Variants in PANK3 observed in about 807,000 individuals in gnomAD.
PANK3 encodes pantothenate kinase 3.
In PANK3, 20 loss-of-function variants were observed where a neutral mutation model predicts 39.4. That is an observed-to-expected ratio of 0.51 (90% CI 0.36 to 0.74). The LOEUF (loss-of-function observed/expected upper bound fraction) is 0.74. Ranked by LOEUF, PANK3 falls within the 30% of genes least tolerant of loss-of-function variation. PANK3 has a pLI of 0.00. For synonymous variants in PANK3, 140 were observed against 157.3 expected (o/e 0.89, Z 0.82); for missense variants, 265 against 437.0 (o/e 0.61, Z 3.51).
intron 4 of PANK3, among the ~76,000 whole-genome samples, chr5:168,563,671 T>C (rs960689535): frequency 2.4e-5 from 3 of 122,824 alleles, no homozygotes; most frequent in Non-Finnish European, 5.0e-5. Flanking sequence ...GGAAAGACAC[T>C]CAAAAATTAA....
At position 168,556,564 on chromosome 5, in the gene PANK3, T is replaced by C. The variant is rs1178987515; in HGVS notation, c.*1007A>G. 2 of 152,416 alleles carry C rather than the reference T, an allele frequency of 1.3e-5. No homozygotes were observed. Among genetic ancestry groups the C allele is most frequent in the African/African-American group, 4.8e-5 (2 of 41,360 alleles). 9.4% of individuals were successfully genotyped at this position (152,416 alleles called of 1,614,324 possible). A position where few individuals can be genotyped will look rare whatever the true frequency, so the allele number is the denominator to read the frequency against. ...GATAAAAATCCACATGGCTATGGAG[T>C]GGGTTTTGTTGGAAAAAGTGACCGT... On this transcript the variant is annotated 3_prime_UTR_variant, in exon 7 of 7. Transcript: ENST00000239231.
intron 5 of PANK3, chr5:168,560,855 G>A (rs1561839730): frequency 2.5e-6 from 1 of 393,520 alleles, no homozygotes; most frequent in East Asian, 6.3e-5. Flanking sequence ...CACTTTTCTT[G>A]TAACAATAAA....
intron 5 of PANK3, 114 bp from the exon 6 acceptor site, chr5:168,559,271 T>A: frequency 1.5e-6 from 1 of 650,370 alleles, no homozygotes; most frequent in Non-Finnish European, 2.4e-6. Context: ...ACAACTACGC[T>A]TTATTAGTAT....
Position 168,568,706 on chromosome 5 carries a change from C to G in PANK3, c.321G>C (p.Leu107Phe). Residue 107 changes from leucine to phenylalanine, a missense_variant, in exon 2 of 7, where the codon TTG (leucine) becomes TTC (phenylalanine). By Grantham distance (22) the Leu-to-Phe change is conservative (BLOSUM62 0). This residue lies in a region of PANK3 where 154 missense variants were observed against 256.8 expected (regional missense o/e 0.60). Coordinates refer to ENST00000239231, the MANE Select transcript of PANK3 (RefSeq NM_024594.4). ...CTCCTGTAGCACATAGCACCGTCTG[C>G]AATGTTGAGAAGTTTTTATCTCTTC... ...QMGRDKNFST[L>F]QTVLCATGGG... 1.2e-6 allele frequency: 2 copies of G among 1,614,096 alleles called. No individual in the cohort carries two copies. The highest frequency in any genetic ancestry group is 1.7e-6 in the Non-Finnish European group (2 of 1,180,004).
Position 168,548,859 on chromosome 5 carries a change from A to G in PANK3, c.*8712T>C, listed in dbSNP as rs1759232653. On this transcript the variant is annotated 3_prime_UTR_variant, in exon 7 of 7. Transcript: ENST00000239231. ...GAATAAAATTTATGGCACATCATAC[A>G]TTTTTACATCACAGATTCAGTGTTA... 6.6e-6 allele frequency: 1 copy of G among 152,230 alleles called. No individual in the cohort carries two copies. The allele number at this position is 152,230 out of a possible 1,614,324, so 9.4% of individuals were successfully genotyped here.
chr5:168,578,581 A>C (rs936537781), intron 1 of PANK3: 4 of 152,242 alleles, frequency 2.6e-5, no homozygotes, highest in Non-Finnish European at 5.9e-5. Context: ...ACCTTTCTAA[A>C]AGCATAGTCA....
At chr5:168,561,580 G>GAT in intron 4 of PANK3, 64 bp from the exon 5 acceptor site, 5 of 1,356,078 alleles carry the variant, frequency 3.7e-6, no homozygotes, top group Non-Finnish European at 4.9e-6. Flanking sequence ...CGTATTAACA[G>GAT]ATATATCTAC....
chr5:168,562,591 T>C (rs1759464324), intron 4 of PANK3, among the ~76,000 whole-genome samples: 1 of 152,148 alleles, frequency 6.6e-6, no homozygotes, highest in Non-Finnish European at 1.5e-5. Flanking sequence ...ACAAGACTGA[T>C]AAACAACAGA....
At chr5:168,577,122 G>A (rs1490652737) in intron 1 of PANK3, among the ~76,000 whole-genome samples, 5 of 151,802 alleles carry the variant, frequency 3.3e-5, no homozygotes, top group African/African-American at 9.7e-5. Context: ...CTCGTGATCT[G>A]CCCCACTCAG....
chr5:168,561,254 T>C, intron 5 of PANK3, 139 bp downstream of exon 5: 1 of 623,190 alleles, frequency 1.6e-6, no homozygotes, highest in East Asian at 2.7e-5. Flanking sequence ...CATATATACC[T>C]AATGAGTCTT....
chr5:168,566,158 C>T lies in PANK3; in HGVS notation c.490G>A (p.Ala164Thr). Residue 164 changes from alanine (A) to threonine (T), a missense_variant, in exon 3 of 7, where the codon GCT becomes ACT. Physicochemically the swap from Ala to Thr is moderately conservative, Grantham distance 58. Transcript: ENST00000239231. ...FNGQAECYYFANASEPERCQK... is the reference protein window; with the variant it reads ...FNGQAECYYFTNASEPERCQK... ...CATCGCTCAGGTTCTGAGGCATTAG[C>T]AAAATAATAGCACTCGGCTTGTCCA... 6.2e-7 allele frequency: 1 copy of T among 1,613,918 alleles called. No homozygotes were observed. The highest frequency in any genetic ancestry group is 8.5e-7 in the Non-Finnish European group (1 of 1,179,970).
intron 5 of PANK3, among the ~76,000 whole-genome samples, chr5:168,560,226 A>G (rs1369519744): frequency 6.6e-6 from 1 of 152,180 alleles, no homozygotes; most frequent in Admixed American, 6.5e-5. Context: ...CTAAGTTATT[A>G]AAAAACTGAT....
rs759426819 is a variant in PANK3, at chr5:168,564,069, A to G, written c.636-4T>C. 13 of 1,579,006 alleles carry G rather than the reference A, an allele frequency of 8.2e-6. No homozygotes were observed. The highest frequency in any genetic ancestry group is 7.7e-6 in the Non-Finnish European group (9 of 1,168,850). ...CAGAAAGGTACCCCCTCCAAGGCTA[A>G]AGAAAATAAAGAAACTTGCTAAGTT... On this transcript the variant is annotated splice_region_variant and splice_polypyrimidine_tract_variant and intron_variant, in intron 3 of 6. Transcript: ENST00000239231.
rs563768938 is a variant in PANK3 at position 168,571,990 on chromosome 5, T to C, written c.29-2992A>G. 3.9e-5 allele frequency among the ~76,000 whole-genome samples: 6 copies of C among 152,274 alleles called. No individual in the cohort carries two copies. The East Asian group carries it at 1.2e-3, about 29-fold the overall frequency. On this transcript the variant is annotated intron_variant, in intron 1 of 6. Transcript: ENST00000239231. Reference sequence around the variant, plus strand: ...ATAATTTGGGAAGCCAGGGGCAGCTTTGAGCTCAAACACAATACTTCATCA... The same window carrying C: ...ATAATTTGGGAAGCCAGGGGCAGCTCTGAGCTCAAACACAATACTTCATCA...
In PANK3 at chr5:168,561,376, GTTTT is replaced by G. The variant is rs770793762; in HGVS notation, c.936+13_936+16del. The G allele has an allele frequency of 1.4e-5, 22 of 1,561,278 alleles. No individual in the cohort carries two copies. The highest frequency in any genetic ancestry group is 1.2e-4 in the South Asian group (10 of 83,488). The stretch of plus-strand genomic sequence containing the variant: ...ACATTTTTGATAATTCAAGTTTTGT[GTTTT>G]TTGTTTTTTTACCTCATTAACAGCA... On this transcript the variant is annotated intron_variant, in intron 5 of 6. Coordinates refer to ENST00000239231, the MANE Select transcript of PANK3 (RefSeq NM_024594.4).
In PANK3 at chr5:168,554,700, T is replaced by C. The variant is rs1759323049; in HGVS notation, c.*2871A>G. On this transcript the variant is annotated 3_prime_UTR_variant, in exon 7 of 7. Transcript: ENST00000239231. ...ATATTTCCATTGTAGTGACTAAATA[T>C]TGGAGCCAAAATTCCATTAGTTCAA... is the stretch of plus-strand genomic sequence containing the variant. 2 of 152,368 alleles carry C rather than the reference T, an allele frequency of 1.3e-5. No homozygotes were observed. The highest frequency in any genetic ancestry group is 4.8e-5 in the African/African-American group (2 of 41,586). 9.4% of individuals were successfully genotyped at this position (152,368 alleles called of 1,614,324 possible). A position where few individuals can be genotyped will look rare whatever the true frequency, so the allele number is the denominator to read the frequency against.
chr5:168,575,821 G>GA (rs1759723508), intron 1 of PANK3, among the ~76,000 whole-genome samples: 1 of 151,586 alleles, frequency 6.6e-6, no homozygotes. Flanking sequence ...GGGGAGGGGG[G>GA]AGATACTAAA....
At chr5:168,558,620 T>C (rs1368559147) in intron 6 of PANK3, among the ~76,000 whole-genome samples, 1 of 152,208 alleles carries the variant, frequency 6.6e-6, no homozygotes, top group African/African-American at 2.4e-5. Context: ...TAACTGCATG[T>C]AGTAAATGAA....
Position 168,550,158 on chromosome 5 carries a change from C to T in PANK3, c.*7413G>A, listed in dbSNP as rs1230836126. ...GTACTCTGATATTATCCTGGGATAA[C>T]GATATGTGGTACAATACTCTTATTT... On this transcript the variant is annotated 3_prime_UTR_variant, in exon 7 of 7. Coordinates refer to ENST00000239231, the MANE Select transcript of PANK3 (RefSeq NM_024594.4). 2.0e-5 allele frequency: 3 copies of T among 152,078 alleles called. No homozygotes were observed. Among genetic ancestry groups the T allele is most frequent in the South Asian group, 2.1e-4 (1 of 4,828 alleles). The allele number at this position is 152,078 out of a possible 1,614,324, so 9.4% of individuals were successfully genotyped here.
Sources: gnomAD v4.1 joint callset for allele counts (sites outside exome capture counted in the v4.1 genomes callset) on GRCh38, gnomAD v4.1.1 for gene constraint, gnomAD v4.1.1 regional missense constraint, MANE v1.5 for transcripts, NCBI Gene and HGNC (gene_info 2026-07-23, HGNC 2026-07-21) for gene names.